The following DSCAML1 variants were observed in gnomAD, a reference collection of about 807,000 sequenced individuals.
The protein encoded by DSCAML1 is DS cell adhesion molecule like 1.
A neutral mutation model predicts 200.5 loss-of-function variants in DSCAML1; 38 were observed. That is an observed-to-expected ratio of 0.19 (90% confidence interval 0.15 to 0.25). DSCAML1 has a LOEUF of 0.25. Ranked by LOEUF, DSCAML1 falls within the 10% of genes least tolerant of loss-of-function variation. DSCAML1 has a pLI of 1.00. For missense variants in DSCAML1, 2,223 were observed against 2,858.8 expected, an observed-to-expected ratio of 0.78 and a Z score of 5.07; for synonymous variants, 1,215 against 1,165.0, an observed-to-expected ratio of 1.04 and a Z score of -0.87.
At chr11:117,477,754 AG>A (rs1378441730) in intron 14 of DSCAML1, among the ~76,000 whole-genome samples, 4 of 152,158 alleles carry the variant, frequency 2.6e-5, no homozygotes, top group Non-Finnish European at 5.9e-5. Context: ...TGCCATGCCC[AG>A]GGTCTCTGCT....
Position 117,437,457 on chromosome 11 carries a change from G to A in DSCAML1, c.4433-48C>T. On this transcript the variant is annotated intron_variant, in intron 25 of 32. Transcript: ENST00000651296. This position sits in a 1 kb window ranked among gnomAD's most constrained non-coding sequence, Gnocchi z 5.3. ...AGAGGTTAGAGAGATTTGGTGGGAGGCAGGACTGGACTGGGCTGGGCTGGA... is the reference window on the plus strand; with the variant it reads ...AGAGGTTAGAGAGATTTGGTGGGAGACAGGACTGGACTGGGCTGGGCTGGA... The A allele has an allele frequency of 6.3e-7, 1 of 1,584,320 alleles. No individual in the cohort carries two copies. Among genetic ancestry groups the A allele is most frequent in the Non-Finnish European group, 8.6e-7 (1 of 1,162,416 alleles).
At chr11:117,679,580 A>T (rs2137690500) in intron 3 of DSCAML1, among the ~76,000 whole-genome samples, 1 of 151,864 alleles carries the variant, frequency 6.6e-6, no homozygotes, top group African/African-American at 2.4e-5. Flanking sequence ...CAGCTGCTCC[A>T]CCCTTTCTCA....
intron 3 of DSCAML1, among the ~76,000 whole-genome samples, chr11:117,736,936 GT>G (rs1174172601): frequency 3.3e-5 from 5 of 152,184 alleles, no homozygotes; most frequent in Non-Finnish European, 7.3e-5. Context: ...TTTCTGCTCT[GT>G]GAAGTGGGGG....
intron 19 of DSCAML1, among the ~76,000 whole-genome samples, chr11:117,455,584 A>G (rs541063205): frequency 9.6e-4 from 147 of 152,384 alleles, no homozygotes; most frequent in African/African-American, 3.4e-3. Context: ...ATCTGGACTC[A>G]GTAAATAAAC....
chr11:117,460,755 C>A (rs1469675565), intron 18 of DSCAML1, among the ~76,000 whole-genome samples: 2 of 152,112 alleles, frequency 1.3e-5, no homozygotes, highest in East Asian at 3.9e-4. Context: ...ATTTCTCTAC[C>A]CCCCTGCTCC....
intron 3 of DSCAML1, among the ~76,000 whole-genome samples, chr11:117,559,420 T>C (rs1221559775): frequency 1.3e-5 from 2 of 152,244 alleles, no homozygotes; most frequent in Non-Finnish European, 2.9e-5. Flanking sequence ...AATCCACCTG[T>C]GACCTCTAAG....
chr11:117,730,878 C>T (rs568206328), intron 3 of DSCAML1, among the ~76,000 whole-genome samples: 2 of 152,272 alleles, frequency 1.3e-5, no homozygotes, highest in East Asian at 1.9e-4. Context: ...CAAAAACATT[C>T]TTCTAAGTGA....
chr11:117,732,674 G>A (rs1388558155), intron 3 of DSCAML1, among the ~76,000 whole-genome samples: 2 of 152,156 alleles, frequency 1.3e-5, no homozygotes, highest in African/African-American at 4.8e-5. Flanking sequence ...ACTTCTGAAA[G>A]GTCTGCAGAG....
intron 3 of DSCAML1, among the ~76,000 whole-genome samples, chr11:117,615,433 C>T (rs1318956136): frequency 6.6e-6 from 1 of 152,134 alleles, no homozygotes. Context: ...TGACCAGAAC[C>T]AGTTTATTTT....
chr11:117,538,788 TGGGGAGAAGGTGATAGACA>T (rs756606738), intron 3 of DSCAML1, among the ~76,000 whole-genome samples: 5 of 17,628 alleles, frequency 2.8e-4, no homozygotes, highest in Non-Finnish European at 4.3e-4. Flanking sequence ...GGGAGTGTGG[TGGGGAGAAGGTGATAGACA>T]GGGGAGGAGG....
Position 117,484,885 on chromosome 11 carries a change from CAGTG to C in DSCAML1, c.2360-2727_2360-2724del, listed in dbSNP as rs1195512172. ...CTGAAGCCACAGAGAAGCAGAGGAA[CAGTG>C]TGTGTGTGTGTGTGTGTGTGTGTGT... On this transcript the variant is annotated intron_variant, in intron 11 of 32. Coordinates refer to ENST00000651296, the MANE Select transcript of DSCAML1 (RefSeq NM_020693.4). Among the ~76,000 whole-genome samples the C allele has an allele frequency of 1.4e-4, 15 of 107,902 alleles. 1 individual carries two copies. In the South Asian group the frequency reaches 3.7e-3, roughly 27 times the overall value. 70.8% of individuals were successfully genotyped at this position (107,902 alleles called of 152,430 possible).
At chr11:117,781,838 A>C (rs1338717101) in intron 1 of DSCAML1, among the ~76,000 whole-genome samples, 1 of 152,246 alleles carries the variant, frequency 6.6e-6, no homozygotes, top group African/African-American at 2.4e-5. Flanking sequence ...TGGCAGTGGC[A>C]GGGCCACCTG....
At chr11:117,574,431 C>A (rs1164813176) in intron 3 of DSCAML1, among the ~76,000 whole-genome samples, 1 of 152,238 alleles carries the variant, frequency 6.6e-6, no homozygotes, top group African/African-American at 2.4e-5. Context: ...ATGGTTTGGA[C>A]TGTCTCTGAG....
intron 3 of DSCAML1, among the ~76,000 whole-genome samples, chr11:117,534,637 C>T (rs1289360245): frequency 2.0e-5 from 3 of 152,172 alleles, no homozygotes; most frequent in East Asian, 3.8e-4. Context: ...TTGAGACAGA[C>T]TGTCACTCTG....
At chr11:117,452,937 T>G (rs1325864373) in intron 19 of DSCAML1, among the ~76,000 whole-genome samples, 1 of 152,186 alleles carries the variant, frequency 6.6e-6, no homozygotes, top group Non-Finnish European at 1.5e-5. Context: ...TCACTTTATT[T>G]TCATTTTTTT....
chr11:117,439,821 G>A lies in DSCAML1; in HGVS notation c.3978C>T (p.Asp1326=), dbSNP rs2048006769. 2 of 1,613,462 alleles carry A rather than the reference G, an allele frequency of 1.2e-6. No individual in the cohort carries two copies. The highest frequency in any genetic ancestry group is 1.7e-6 in the Non-Finnish European group (2 of 1,179,526). The change falls in exon 22 of 33, where the codon GAC becomes GAT. Residue 1326 remains aspartate, a splice_region_variant and synonymous_variant. Coordinates refer to ENST00000651296, the MANE Select transcript of DSCAML1 (RefSeq NM_020693.4). ...DPAPAVKWTK[D]SEDSAIPVSM... is the part of the protein sequence containing the mutation. The stretch of plus-strand genomic sequence containing the variant: ...CCCTCCACTGTCCCGACACACACCT[G>A]TCCTTGGTCCACTTCACAGCAGGGG...
intron 1 of DSCAML1, among the ~76,000 whole-genome samples, chr11:117,807,261 A>G (rs1267225392): frequency 6.6e-6 from 1 of 152,232 alleles, no homozygotes; most frequent in Non-Finnish European, 1.5e-5. Context: ...GTTGCTCTGC[A>G]GATGGGGAAC....
At chr11:117,743,652 A>ACTCT (rs527688612) in intron 3 of DSCAML1, among the ~76,000 whole-genome samples, 65 of 152,128 alleles carry the variant, frequency 4.3e-4, no homozygotes, top group African/African-American at 1.5e-3. Context: ...CCTTCTGAAG[A>ACTCT]CTCTCACTCA....
At chr11:117,525,732 T>C (rs1459093182) in intron 4 of DSCAML1, among the ~76,000 whole-genome samples, 2 of 152,332 alleles carry the variant, frequency 1.3e-5, no homozygotes, top group Non-Finnish European at 2.9e-5. Flanking sequence ...AATGCTGAGA[T>C]TACAGGCCTG....
Sources: gnomAD v4.1 joint callset for allele counts (sites outside exome capture counted in the v4.1 genomes callset) on GRCh38, gnomAD v4.1.1 for gene constraint, Gnocchi (gnomAD v3.1) non-coding constraint, MANE v1.5 for transcripts, NCBI Gene and HGNC (gene_info 2026-07-23, HGNC 2026-07-21) for gene names.